The following COL5A2 variants were observed in gnomAD, a reference collection of about 807,000 sequenced individuals.
The protein encoded by COL5A2 is collagen type V alpha 2 chain.
Under a neutral mutation model 208.2 loss-of-function variants are expected in COL5A2, and 23 were observed. That is an observed-to-expected ratio of 0.11 (90% confidence interval 0.08 to 0.16). The LOEUF (loss-of-function observed/expected upper bound fraction) is 0.16, where lower values mean the gene tolerates loss of function less well. Among genes scored for constraint, COL5A2 ranks in the 10% least tolerant of loss-of-function variants. COL5A2 has a pLI of 1.00. For missense variants in COL5A2, 1,590 were observed against 1,956.4 expected (o/e 0.81, Z 3.53); for synonymous variants, 625 against 628.5 (o/e 0.99, Z 0.08).
intron 18 of COL5A2, among the ~76,000 whole-genome samples, chr2:189,071,234 A>G (rs1226739901): frequency 6.6e-6 from 1 of 152,192 alleles, no homozygotes; most frequent in Non-Finnish European, 1.5e-5. Context: ...ACTGTCCGTG[A>G]CCGCAGTCAT....
chr2:189,218,663 T>C (rs974664792), intron 1 of COL5A2, among the ~76,000 whole-genome samples: 1 of 152,046 alleles, frequency 6.6e-6, no homozygotes, highest in Admixed American at 6.6e-5. Context: ...ATGTGGGTAG[T>C]AGGGGAAAGA....
At chr2:189,274,331 AT>A in the COL5A2 span, among the ~76,000 whole-genome samples, 1 of 152,158 alleles carries the variant, frequency 6.6e-6, no homozygotes, top group Non-Finnish European at 1.5e-5. Context: ...TACTTTGGGT[AT>A]TTTTACTGAA....
At chr2:189,166,591 C>A (rs1688468838) in intron 1 of COL5A2, among the ~76,000 whole-genome samples, 1 of 152,132 alleles carries the variant, frequency 6.6e-6, no homozygotes, top group Admixed American at 6.5e-5. Flanking sequence ...CTTTCAGTTT[C>A]TATTAGAAAA....
chr2:189,188,834 C>A (rs181362465), intron 1 of COL5A2, among the ~76,000 whole-genome samples: 1 of 152,168 alleles, frequency 6.6e-6, no homozygotes, highest in Non-Finnish European at 1.5e-5. Flanking sequence ...GTCTGGGAAA[C>A]GTGTCTTTTC....
the COL5A2 span, among the ~76,000 whole-genome samples, chr2:189,441,008 G>A: frequency 0.017 from 2,567 of 152,268 alleles, 75 homozygotes; most frequent in African/African-American, 0.059. Context: ...AGCTGTACAA[G>A]GAAGAGAAAG....
At chr2:189,127,871 A>C (rs1687638690) in intron 1 of COL5A2, among the ~76,000 whole-genome samples, 1 of 152,026 alleles carries the variant, frequency 6.6e-6, no homozygotes, top group South Asian at 2.1e-4. Context: ...ATTGACAAAA[A>C]TCCATTTATA....
chr2:189,080,893 T>C (rs1382500229), intron 13 of COL5A2, 97 bp downstream of exon 13: 1 of 1,014,246 alleles, frequency 9.9e-7, no homozygotes, highest in Non-Finnish European at 1.6e-6. Flanking sequence ...TTAAGGACAA[T>C]TGACAAATTG....
At chr2:189,262,071 T>C in the COL5A2 span, among the ~76,000 whole-genome samples, 1 of 152,176 alleles carries the variant, frequency 6.6e-6, no homozygotes, top group Non-Finnish European at 1.5e-5. Context: ...CAGCTTCTAA[T>C]GAGCTACAAA....
chr2:189,402,365 G>A, the COL5A2 span, among the ~76,000 whole-genome samples: 25 of 152,128 alleles, frequency 1.6e-4, 1 homozygote, highest in Non-Finnish European at 5.9e-5. Context: ...TTACTGGCAC[G>A]TGCCACCACA....
the COL5A2 span, among the ~76,000 whole-genome samples, chr2:189,231,759 A>G: frequency 6.6e-6 from 1 of 150,738 alleles, no homozygotes; most frequent in African/African-American, 2.4e-5. Flanking sequence ...CTAAAGAAGA[A>G]TAAAAAGAGA....
the COL5A2 span, among the ~76,000 whole-genome samples, chr2:189,357,060 G>A: frequency 1.3e-5 from 2 of 152,182 alleles, no homozygotes; most frequent in Admixed American, 1.3e-4. Flanking sequence ...ATCACCAGCA[G>A]AGGCTGCAGA....
the COL5A2 span, among the ~76,000 whole-genome samples, chr2:189,316,270 A>G: frequency 1.3e-5 from 2 of 152,198 alleles, no homozygotes; most frequent in African/African-American, 2.4e-5. Flanking sequence ...ATGAAATACT[A>G]TGCAGCCATG....
the COL5A2 span, among the ~76,000 whole-genome samples, chr2:189,394,903 T>C: frequency 6.6e-6 from 1 of 152,332 alleles, no homozygotes; most frequent in East Asian, 1.9e-4. Flanking sequence ...GAACAATAAC[T>C]AGTTTTGAAT....
chr2:189,064,825 C>T (rs930648349), intron 24 of COL5A2, among the ~76,000 whole-genome samples, 170 bp from the exon 25 acceptor site: 1 of 152,160 alleles, frequency 6.6e-6, no homozygotes, highest in African/African-American at 2.4e-5. Context: ...GCATCCTTCC[C>T]CCCTATGCCT....
the COL5A2 span, among the ~76,000 whole-genome samples, chr2:189,295,870 CT>C: frequency 6.6e-6 from 1 of 152,044 alleles, no homozygotes; most frequent in Admixed American, 6.5e-5. Flanking sequence ...ACATATGTTC[CT>C]GTGAAATCCC....
At chr2:189,038,527 T>C (rs1183088781) in intron 51 of COL5A2, among the ~76,000 whole-genome samples, 3 of 152,176 alleles carry the variant, frequency 2.0e-5, no homozygotes, top group African/African-American at 7.2e-5. Flanking sequence ...AACGATTTAT[T>C]TTCCTTTGGG....
At chr2:189,383,838 C>A in the COL5A2 span, among the ~76,000 whole-genome samples, 1 of 151,952 alleles carries the variant, frequency 6.6e-6, no homozygotes, top group African/African-American at 2.4e-5. Context: ...ATTGCACTAC[C>A]AAACACTATA....
At chr2:189,149,845 C>T (rs1169968790) in intron 1 of COL5A2, among the ~76,000 whole-genome samples, 1 of 152,126 alleles carries the variant, frequency 6.6e-6, no homozygotes, top group Non-Finnish European at 1.5e-5. Flanking sequence ...CTTTCTTAGC[C>T]AAGTTTTTCT....
chr2:189,256,212 G>C, the COL5A2 span, among the ~76,000 whole-genome samples: 1 of 152,196 alleles, frequency 6.6e-6, no homozygotes, highest in Non-Finnish European at 1.5e-5. Flanking sequence ...CTCATGGAAA[G>C]AGATGGAATA....
Sources: gnomAD v4.1 joint callset for allele counts (sites outside exome capture counted in the v4.1 genomes callset) on GRCh38, gnomAD v4.1.1 for gene constraint, MANE v1.5 for transcripts, NCBI Gene and HGNC (gene_info 2026-07-23, HGNC 2026-07-21) for gene names.